ZBTB20: variants seen among roughly 807,000 people sequenced by gnomAD.
ZBTB20 encodes zinc finger and BTB domain-containing protein 20.
In ZBTB20, 9 loss-of-function variants were observed where a neutral mutation model predicts 56.9. The ratio of observed to expected loss-of-function variants is 0.16; its 90% confidence interval spans 0.10 to 0.28. The LOEUF is 0.28. Ranked by LOEUF, ZBTB20 falls within the 10% of genes least tolerant of loss-of-function variation. The pLI, the probability that ZBTB20 is intolerant of heterozygous loss-of-function variation, is 1.00. For synonymous variants in ZBTB20, 417 were observed against 420.7 expected (o/e 0.99, Z 0.11); for missense variants, 655 against 1,003.0 (o/e 0.65, Z 4.69).
rs893528500 is a variant in ZBTB20 at position 114,890,447 on chromosome 3, C to T, written c.-417+9857G>A. Reference sequence around the variant, plus strand: ...AACTCGGATAGGATGGTCTGAGTAGCGTAGGGACATGGATGAAGCTAGAAA... The same window carrying T: ...AACTCGGATAGGATGGTCTGAGTAGTGTAGGGACATGGATGAAGCTAGAAA... On this transcript the variant is annotated intron_variant, in intron 4 of 11. Coordinates refer to ENST00000675478, the MANE Select transcript of ZBTB20 (RefSeq NM_001348800.3). Among the ~76,000 whole-genome samples, 12 of 152,210 alleles carry T rather than the reference C, an allele frequency of 7.9e-5. No homozygotes were observed. The South Asian group carries it at 1.0e-3, about 13-fold the overall frequency.
At chr3:114,439,283 G>C (rs899591605) in intron 7 of ZBTB20, among the ~76,000 whole-genome samples, 1 of 152,094 alleles carries the variant, frequency 6.6e-6, no homozygotes, top group African/African-American at 2.4e-5. Flanking sequence ...CCTTGAGTAG[G>C]TCTTGGGTGT....
At chr3:114,729,104 C>A (rs560131292) in intron 5 of ZBTB20, among the ~76,000 whole-genome samples, 1 of 152,250 alleles carries the variant, frequency 6.6e-6, no homozygotes, top group South Asian at 2.1e-4. Context: ...AAAACTGACT[C>A]CAGCTACCCA....
intron 10 of ZBTB20, among the ~76,000 whole-genome samples, chr3:114,378,094 A>G (rs1257098729): frequency 6.6e-6 from 1 of 152,078 alleles, no homozygotes; most frequent in Non-Finnish European, 1.5e-5. Flanking sequence ...TGACATTTGA[A>G]AGTAAAAAAA....
chr3:114,328,319 AG>A lies in ZBTB20; in HGVS notation c.*10685del, dbSNP rs1314770126. The A allele has an allele frequency of 1.3e-5, 2 of 152,098 alleles. No homozygotes were observed. The highest frequency in any genetic ancestry group is 4.8e-5 in the African/African-American group (2 of 41,408). The allele number at this position is 152,098 out of a possible 1,614,324, so 9.4% of individuals were successfully genotyped here. A position where few individuals can be genotyped will look rare whatever the true frequency, so the allele number is the denominator to read the frequency against. The stretch of plus-strand genomic sequence containing the variant: ...GATGTGGCTTTTCTTGTTTGAGAAG[AG>A]CTCACTAAGGCTTGAACAGTTATCA... On this transcript the variant is annotated 3_prime_UTR_variant, in exon 12 of 12. Coordinates refer to ENST00000675478, the MANE Select transcript of ZBTB20 (RefSeq NM_001348800.3).
intron 7 of ZBTB20, among the ~76,000 whole-genome samples, chr3:114,447,989 AG>A (rs2091371074): frequency 6.6e-6 from 1 of 152,200 alleles, no homozygotes; most frequent in Non-Finnish European, 1.5e-5. Flanking sequence ...GGAAGTAGAA[AG>A]TCATTGGTTG....
chr3:114,832,496 A>C (rs1232605752), intron 4 of ZBTB20, among the ~76,000 whole-genome samples: 1 of 152,056 alleles, frequency 6.6e-6, no homozygotes, highest in African/African-American at 2.4e-5. Context: ...TATTCTAACA[A>C]AGTAAATTCC....
intron 2 of ZBTB20, among the ~76,000 whole-genome samples, chr3:115,042,498 G>C (rs1455152956): frequency 3.9e-5 from 6 of 152,044 alleles, no homozygotes; most frequent in Non-Finnish European, 8.8e-5. Flanking sequence ...AGTGAGTTTA[G>C]AAACAAAGTA....
chr3:114,466,892 G>A (rs557252310), intron 7 of ZBTB20, among the ~76,000 whole-genome samples: 6 of 152,092 alleles, frequency 3.9e-5, no homozygotes, highest in East Asian at 1.9e-4. Flanking sequence ...ACCGTAAAGC[G>A]TTGCTAAAAA....
At chr3:114,876,080 T>C (rs893177254) in intron 4 of ZBTB20, among the ~76,000 whole-genome samples, 2 of 151,584 alleles carry the variant, frequency 1.3e-5, no homozygotes, top group African/African-American at 4.8e-5. Flanking sequence ...ACAAAATTTT[T>C]TTTAAAATTA....
chr3:114,382,540 C>T (rs947587787), intron 8 of ZBTB20, among the ~76,000 whole-genome samples: 9 of 152,146 alleles, frequency 5.9e-5, no homozygotes, highest in Admixed American at 2.0e-4. Flanking sequence ...CTGTTGAAAT[C>T]ATACTTATTA....
chr3:114,961,859 T>C (rs145313406), intron 3 of ZBTB20, among the ~76,000 whole-genome samples: 2 of 152,264 alleles, frequency 1.3e-5, no homozygotes, highest in East Asian at 3.9e-4. Flanking sequence ...ATAAGAATGC[T>C]ATTGTTATGG....
chr3:115,014,315 T>C (rs1406999998), intron 2 of ZBTB20, among the ~76,000 whole-genome samples: 1 of 151,572 alleles, frequency 6.6e-6, no homozygotes, highest in African/African-American at 2.4e-5. Context: ...GGGTTAAAAA[T>C]AGTTAGAAAG....
chr3:115,021,891 G>A (rs2080220604), intron 2 of ZBTB20, among the ~76,000 whole-genome samples: 1 of 150,652 alleles, frequency 6.6e-6, no homozygotes, highest in South Asian at 2.1e-4. Context: ...TTTGAATGGA[G>A]ACATTTTGAA....
chr3:114,412,838 G>T (rs1235450778), intron 7 of ZBTB20, among the ~76,000 whole-genome samples: 1 of 152,092 alleles, frequency 6.6e-6, no homozygotes, highest in African/African-American at 2.4e-5. Context: ...TTTTCCTTAA[G>T]ACAAGTTTCT....
intron 6 of ZBTB20, among the ~76,000 whole-genome samples, chr3:114,652,386 C>A (rs1033322057): frequency 6.6e-6 from 1 of 151,950 alleles, no homozygotes; most frequent in Non-Finnish European, 1.5e-5. Flanking sequence ...TATGAATATA[C>A]CACAATTTGT....
At chr3:114,537,359 T>C (rs1342260292) in intron 6 of ZBTB20, among the ~76,000 whole-genome samples, 1 of 152,194 alleles carries the variant, frequency 6.6e-6, no homozygotes, top group Non-Finnish European at 1.5e-5. Flanking sequence ...AGAAGACATT[T>C]ATGTGGTCAA....
At chr3:115,093,138 A>T (rs991586999) in intron 1 of ZBTB20, among the ~76,000 whole-genome samples, 2 of 152,118 alleles carry the variant, frequency 1.3e-5, no homozygotes, top group African/African-American at 4.8e-5. Context: ...TCCAGATTTA[A>T]CCACTTTAAA....
intron 3 of ZBTB20, among the ~76,000 whole-genome samples, chr3:114,947,768 AC>A (rs1301026671): frequency 1.4e-5 from 2 of 146,040 alleles, no homozygotes; most frequent in Non-Finnish European, 2.9e-5. Flanking sequence ...TATCTATGTA[AC>A]AAAATTACAA....
chr3:114,893,899 C>A (rs1047206721), intron 4 of ZBTB20, among the ~76,000 whole-genome samples: 2 of 152,078 alleles, frequency 1.3e-5, no homozygotes, highest in African/African-American at 4.8e-5. Flanking sequence ...GGTTCAGGAG[C>A]GCTAAAACAC....
Sources: gnomAD v4.1 joint callset for allele counts (sites outside exome capture counted in the v4.1 genomes callset) on GRCh38, gnomAD v4.1.1 for gene constraint, MANE v1.5 for transcripts, NCBI Gene and HGNC (gene_info 2026-07-23, HGNC 2026-07-21) for gene names.